The following ZNF697 variants were observed in gnomAD, a reference collection of about 807,000 sequenced individuals.
The protein encoded by ZNF697 is zinc finger protein 697.
A neutral mutation model predicts 32.4 loss-of-function variants in ZNF697; 23 were observed. The observed-to-expected ratio is 0.71, with a 90% CI of 0.51 to 1.01. The LOEUF (loss-of-function observed/expected upper bound fraction) is 1.01, where lower values mean the gene tolerates loss of function less well. ZNF697 is among the 50% of genes least tolerant of loss of function. ZNF697 has a pLI of 0.00. For missense variants in ZNF697, 930 were observed against 794.0 expected, an observed-to-expected ratio of 1.17 and a Z score of -2.06; for synonymous variants, 418 against 337.2, an observed-to-expected ratio of 1.24 and a Z score of -2.62.
chr1:119,624,064 G>A lies in ZNF697; in HGVS notation c.279C>T (p.Asp93=), dbSNP rs898193017. 6.2e-7 allele frequency: 1 copy of A among 1,605,106 alleles called. No homozygotes were observed. Among genetic ancestry groups the A allele is most frequent in the Non-Finnish European group, 8.5e-7 (1 of 1,175,462 alleles). The change falls in exon 3 of 3, where the codon GAC becomes GAT. Residue 93 remains aspartate, a synonymous_variant. Transcript: ENST00000421812. ...EGVSVRGEED[D]QSGVADMAMF... ...TCGCCATGTCAGCTACACCGGATTG[G>A]TCATCCTCTTCCCCACGGACAGAAA... is the stretch of plus-strand genomic sequence containing the variant.
chr1:119,646,888 C>T (rs1310110658), intron 1 of ZNF697, among the ~76,000 whole-genome samples: 1 of 152,170 alleles, frequency 6.6e-6, no homozygotes, highest in Admixed American at 6.5e-5. Flanking sequence ...ACTCGCTAGC[C>T]ATTATCCAAC....
chr1:119,641,038 G>A (rs1649054462), intron 1 of ZNF697, among the ~76,000 whole-genome samples: 1 of 152,180 alleles, frequency 6.6e-6, no homozygotes, highest in South Asian at 2.1e-4. Flanking sequence ...ACAAATGAAG[G>A]CTCTTAAGAA....
At chr1:119,630,869 CAA>C (rs796648790) in intron 1 of ZNF697, among the ~76,000 whole-genome samples, 1 of 145,336 alleles carries the variant, frequency 6.9e-6, no homozygotes, top group African/African-American at 2.5e-5. Context: ...GACCCCATCT[CAA>C]AAAAAAAAGA....
Position 119,622,508 on chromosome 1 carries a change from A to T in ZNF697, c.*197T>A. The T allele has an allele frequency of 1.0e-6, 1 of 988,924 alleles. No individual in the cohort carries two copies. The highest frequency in any genetic ancestry group is 1.4e-6 in the Non-Finnish European group (1 of 712,740). 61.3% of individuals were successfully genotyped at this position (988,924 alleles called of 1,614,324 possible). On this transcript the variant is annotated 3_prime_UTR_variant, in exon 3 of 3. Transcript: ENST00000421812. The stretch of plus-strand genomic sequence containing the variant: ...TCTCCTGAACAATTCTTCCGTGGAG[A>T]GGAGGCAAGTATAGCACCGGGAAAG...
intron 2 of ZNF697, among the ~76,000 whole-genome samples, chr1:119,625,009 T>C (rs768698794): frequency 6.7e-6 from 1 of 150,164 alleles, no homozygotes; most frequent in Non-Finnish European, 1.5e-5. Flanking sequence ...TAGTGGGGAA[T>C]AGAGAAAGAG....
chr1:119,640,088 A>G (rs1649027635), intron 1 of ZNF697, among the ~76,000 whole-genome samples: 1 of 152,188 alleles, frequency 6.6e-6, no homozygotes, highest in South Asian at 2.1e-4. Context: ...TCTGCCTAAT[A>G]TTAGTTTTTT....
At chr1:119,632,970 T>G (rs1301394604) in intron 1 of ZNF697, among the ~76,000 whole-genome samples, 2 of 152,218 alleles carry the variant, frequency 1.3e-5, no homozygotes, top group Non-Finnish European at 2.9e-5. Context: ...ACCACTACTG[T>G]TTTACACCCT....
intron 1 of ZNF697, among the ~76,000 whole-genome samples, chr1:119,632,274 C>T (rs1648801758): frequency 6.6e-6 from 1 of 152,246 alleles, no homozygotes; most frequent in Non-Finnish European, 1.5e-5. Context: ...TTCCCCTCAG[C>T]TGGCTTGGCC....
chr1:119,639,983 G>C (rs1649024029), intron 1 of ZNF697, among the ~76,000 whole-genome samples: 1 of 152,182 alleles, frequency 6.6e-6, no homozygotes, highest in Admixed American at 6.5e-5. Flanking sequence ...ATAAAATGGA[G>C]AGAACAACTG....
chr1:119,646,503 CT>C (rs1198917123), intron 1 of ZNF697, among the ~76,000 whole-genome samples: 3 of 152,136 alleles, frequency 2.0e-5, no homozygotes, highest in Non-Finnish European at 2.9e-5. Flanking sequence ...TGCCTCATCT[CT>C]CCCAAAGAAG....
At position 119,643,360 on chromosome 1, in the gene ZNF697, A is replaced by T. The variant is rs1649126881; in HGVS notation, c.-38+4331T>A. On this transcript the variant is annotated intron_variant, in intron 1 of 2. Transcript: ENST00000421812. ...CTCCTATTCTCCTTTAACATGACTA[A>T]TGTGCTTCTAACAACCCATAGCACA... 2.0e-5 allele frequency among the ~76,000 whole-genome samples: 3 copies of T among 152,274 alleles called. No homozygotes were observed. In the South Asian group the frequency reaches 6.2e-4, roughly 32 times the overall value.
At chr1:119,624,255 GT>G in intron 2 of ZNF697, 139 bp from the exon 3 acceptor site, 2 of 1,088,262 alleles carry the variant, frequency 1.8e-6, no homozygotes, top group Non-Finnish European at 2.5e-6. Context: ...CCCCCTGAGA[GT>G]TTAGCCTCTC....
intron 1 of ZNF697, among the ~76,000 whole-genome samples, chr1:119,639,626 C>T (rs1043919246): frequency 1.4e-4 from 22 of 152,024 alleles, no homozygotes; most frequent in African/African-American, 5.3e-4. Flanking sequence ...CGCCTGTAAT[C>T]CCAGCACTTT....
chr1:119,624,880 G>A (rs1376834268), intron 2 of ZNF697, among the ~76,000 whole-genome samples: 3 of 150,880 alleles, frequency 2.0e-5, no homozygotes, highest in African/African-American at 7.3e-5. Flanking sequence ...ATGAGCCACT[G>A]CGCCCAGCCC....
In ZNF697 at chr1:119,648,188, C is replaced by CGCTGGCTGGCTGGTTG. The variant is rs1185447072; in HGVS notation, c.-551_-536dup. Among the ~76,000 whole-genome samples the CGCTGGCTGGCTGGTTG allele has an allele frequency of 1.6e-5, 2 of 122,368 alleles. No individual in the cohort carries two copies. The highest frequency in any genetic ancestry group is 3.7e-5 in the Non-Finnish European group (2 of 54,036). 80.3% of individuals were successfully genotyped at this position (122,368 alleles called of 152,430 possible). A position where few individuals can be genotyped will look rare whatever the true frequency, so the allele number is the denominator to read the frequency against. On this transcript the variant is annotated 5_prime_UTR_variant, in exon 1 of 3. Transcript: ENST00000421812. Reference sequence around the variant, plus strand: ...CGGCTGCAGCGGCCGCTGGGTGGCCCGCTGGCTGGCTGGTTGGCTGGCTGG... The same window carrying CGCTGGCTGGCTGGTTG: ...CGGCTGCAGCGGCCGCTGGGTGGCCCGCTGGCTGGCTGGTTGGCTGGCTGGCTGGTTGGCTGGCTGG...
Position 119,619,567 on chromosome 1 carries a change from C to G in ZNF697, c.*3138G>C, listed in dbSNP as rs1180091808. On this transcript the variant is annotated 3_prime_UTR_variant, in exon 3 of 3. Coordinates refer to ENST00000421812, the MANE Select transcript of ZNF697 (RefSeq NM_001080470.2). ...AAGCACACTCACACGAAACCTGTTA[C>G]TTTTAGGATCATTAAATTATTCACT... is the stretch of plus-strand genomic sequence containing the variant. 1.3e-5 allele frequency: 2 copies of G among 152,608 alleles called. No homozygotes were observed. Among genetic ancestry groups the G allele is most frequent in the Non-Finnish European group, 2.9e-5 (2 of 68,040 alleles). 9.5% of individuals were successfully genotyped at this position (152,608 alleles called of 1,614,324 possible).
intron 1 of ZNF697, among the ~76,000 whole-genome samples, chr1:119,642,440 G>A (rs377162933): frequency 7.9e-5 from 12 of 151,674 alleles, no homozygotes; most frequent in Non-Finnish European, 8.8e-5. Flanking sequence ...ATGCTGAGAG[G>A]GGGGGAGGCT....
At chr1:119,635,137 A>C (rs587723257) in intron 1 of ZNF697, among the ~76,000 whole-genome samples, 20 of 152,344 alleles carry the variant, frequency 1.3e-4, no homozygotes, top group African/African-American at 4.6e-4. Flanking sequence ...GCTTATAAAA[A>C]GTTTTGAAAT....
At chr1:119,630,827 T>TCC (rs1405294445) in intron 1 of ZNF697, among the ~76,000 whole-genome samples, 1 of 150,750 alleles carries the variant, frequency 6.6e-6, no homozygotes, top group Non-Finnish European at 1.5e-5. Context: ...GACCCCACCT[T>TCC]CCCCCGCACT....
Sources: allele counts gnomAD v4.1 joint callset (sites outside exome capture counted in the v4.1 genomes callset), GRCh38; gene constraint gnomAD v4.1.1; transcripts MANE v1.5; gene names NCBI Gene and HGNC (gene_info 2026-07-23, HGNC 2026-07-21).